The following KCNMB4 variants were observed in gnomAD, a reference collection of about 807,000 sequenced individuals.
The protein encoded by KCNMB4 is potassium calcium-activated channel subfamily M regulatory beta subunit 4, also known as calcium-activated potassium channel subunit beta-4.
A neutral mutation model predicts 20.7 loss-of-function variants in KCNMB4; 3 were observed. The ratio of observed to expected loss-of-function variants is 0.14; its 90% CI spans 0.07 to 0.37. The LOEUF (loss-of-function observed/expected upper bound fraction) is 0.37. KCNMB4 is among the 10% of genes least tolerant of loss of function. The pLI is 1.00. For missense variants in KCNMB4, 168 were observed against 265.9 expected (o/e 0.63, Z 2.56); for synonymous variants, 110 against 113.4 (o/e 0.97, Z 0.19).
rs190978017 is a variant in KCNMB4 at position 70,382,744 on chromosome 12, C to T, written c.336+15674C>T. 4.2e-3 allele frequency among the ~76,000 whole-genome samples: 636 copies of T among 152,154 alleles called. 3 individuals are homozygous for T. Among genetic ancestry groups the T allele is most frequent in the Non-Finnish European group, 5.9e-3 (401 of 68,002 alleles). On this transcript the variant is annotated intron_variant, in intron 1 of 2. Coordinates refer to ENST00000258111, the MANE Select transcript of KCNMB4 (RefSeq NM_014505.6). ...TGAAGTACTCTTAGCAATAAAAGAC[C>T]ATCTCTTCAGTAAAATACTAGGCAT...
intron 1 of KCNMB4, among the ~76,000 whole-genome samples, chr12:70,371,849 C>A (rs1367704734): frequency 6.6e-6 from 1 of 152,160 alleles, no homozygotes; most frequent in African/African-American, 2.4e-5. Context: ...AACTTATATT[C>A]TGCTGGGAAG....
intron 1 of KCNMB4, among the ~76,000 whole-genome samples, chr12:70,399,952 T>C (rs1289104175): frequency 6.6e-6 from 1 of 152,220 alleles, no homozygotes; most frequent in African/African-American, 2.4e-5. Flanking sequence ...TGGTAACTAA[T>C]AGTTTATAAA....
intron 1 of KCNMB4, among the ~76,000 whole-genome samples, chr12:70,396,454 T>C (rs889067969): frequency 6.6e-6 from 1 of 152,134 alleles, no homozygotes; most frequent in Non-Finnish European, 1.5e-5. Flanking sequence ...TATGGGTGTG[T>C]GCCACCACGC....
At chr12:70,376,476 A>C (rs1352249838) in intron 1 of KCNMB4, among the ~76,000 whole-genome samples, 1 of 152,182 alleles carries the variant, frequency 6.6e-6, no homozygotes, top group Non-Finnish European at 1.5e-5. Context: ...ATTAGAGCTA[A>C]TAAATGAATT....
chr12:70,385,551 A>T (rs1428731006), intron 1 of KCNMB4, among the ~76,000 whole-genome samples: 1 of 152,242 alleles, frequency 6.6e-6, no homozygotes, highest in Non-Finnish European at 1.5e-5. Flanking sequence ...GGGCTTCAAA[A>T]TTCCCATTGA....
chr12:70,410,141 C>T (rs948352681), intron 2 of KCNMB4, among the ~76,000 whole-genome samples: 5 of 152,162 alleles, frequency 3.3e-5, no homozygotes, highest in African/African-American at 7.2e-5. Flanking sequence ...TAGAACCAAA[C>T]GCTTTCTAGT....
chr12:70,376,843 G>A (rs1757286279), intron 1 of KCNMB4, among the ~76,000 whole-genome samples: 6 of 149,806 alleles, frequency 4.0e-5, no homozygotes, highest in Admixed American at 4.0e-4. Flanking sequence ...CTGCACTCCA[G>A]CCTGGGCAAC....
chr12:70,371,422 G>A (rs1396936366), intron 1 of KCNMB4, among the ~76,000 whole-genome samples: 1 of 152,198 alleles, frequency 6.6e-6, no homozygotes, highest in Non-Finnish European at 1.5e-5. Flanking sequence ...CCAGTGCACT[G>A]TAGGAGAGGC....
rs955763803 is a variant in KCNMB4, at chr12:70,433,521, A to C, written c.*2868A>C. The C allele has an allele frequency of 6.6e-6, 1 of 152,256 alleles. No individual in the cohort carries two copies. The highest frequency in any genetic ancestry group is 1.5e-5 in the Non-Finnish European group (1 of 68,052). 9.4% of individuals were successfully genotyped at this position (152,256 alleles called of 1,614,324 possible). The stretch of plus-strand genomic sequence containing the variant: ...CACTTCTGCCCACCGTCCATTCATG[A>C]ATACTTACTATATAGCTATACCTAG... On this transcript the variant is annotated 3_prime_UTR_variant, in exon 3 of 3. Coordinates refer to ENST00000258111, the MANE Select transcript of KCNMB4 (RefSeq NM_014505.6).
intron 1 of KCNMB4, among the ~76,000 whole-genome samples, chr12:70,372,805 A>C (rs1883621040): frequency 6.6e-6 from 1 of 152,172 alleles, no homozygotes; most frequent in Non-Finnish European, 1.5e-5. Flanking sequence ...TTCTACAGAG[A>C]GGTACAAACA....
At chr12:70,381,480 A>G (rs1218352874) in intron 1 of KCNMB4, among the ~76,000 whole-genome samples, 2 of 152,240 alleles carry the variant, frequency 1.3e-5, no homozygotes, top group African/African-American at 4.8e-5. Flanking sequence ...AACAAACCAA[A>G]CATCCATCAA....
chr12:70,427,649 G>A (rs1451307790), intron 2 of KCNMB4, among the ~76,000 whole-genome samples: 1 of 152,124 alleles, frequency 6.6e-6, no homozygotes, highest in East Asian at 1.9e-4. Flanking sequence ...ATGCCAAGAA[G>A]TTTCTGAATA....
intron 1 of KCNMB4, among the ~76,000 whole-genome samples, chr12:70,375,733 G>A (rs531249252): frequency 6.6e-6 from 1 of 152,184 alleles, no homozygotes; most frequent in Admixed American, 6.5e-5. Flanking sequence ...TCCGTGTTGG[G>A]GTTCAACAAT....
In KCNMB4 at chr12:70,366,583, G is replaced by T; in HGVS notation, c.-152G>T. 1 of 348,088 alleles carries T rather than the reference G, an allele frequency of 2.9e-6. No individual in the cohort carries two copies. The allele number at this position is 348,088 out of a possible 1,614,324, so 21.6% of individuals were successfully genotyped here. On this transcript the variant is annotated 5_prime_UTR_variant, in exon 1 of 3. Coordinates refer to ENST00000258111, the MANE Select transcript of KCNMB4 (RefSeq NM_014505.6). The stretch of plus-strand genomic sequence containing the variant: ...GGGCGTCGCTGGCCTCGGCCCCTTT[G>T]TTCTCGCGCGCTCCCCCTCGCCGCC...
chr12:70,378,042 C>T (rs563372147), intron 1 of KCNMB4, among the ~76,000 whole-genome samples: 104 of 151,356 alleles, frequency 6.9e-4, no homozygotes, highest in African/African-American at 2.3e-3. Flanking sequence ...CTCCACCTCG[C>T]GAGTTCAAGT....
At position 70,430,681 on chromosome 12, in the gene KCNMB4, G is replaced by A. The variant is rs1450092698; in HGVS notation, c.*28G>A. Reference sequence around the variant, plus strand: ...GGGAAGGAGGCTTGTAGAAAGCAAAGTACAGAAGCTGTACTCATCGGCACG... The same window carrying A: ...GGGAAGGAGGCTTGTAGAAAGCAAAATACAGAAGCTGTACTCATCGGCACG... On this transcript the variant is annotated 3_prime_UTR_variant, in exon 3 of 3. Transcript: ENST00000258111. The A allele has an allele frequency of 6.3e-7, 1 of 1,587,864 alleles. No individual in the cohort carries two copies. The highest frequency in any genetic ancestry group is 8.5e-7 in the Non-Finnish European group (1 of 1,171,632).
intron 2 of KCNMB4, among the ~76,000 whole-genome samples, chr12:70,411,699 C>T (rs1868782808): frequency 6.6e-6 from 1 of 152,062 alleles, no homozygotes; most frequent in African/African-American, 2.4e-5. Flanking sequence ...GTCCCCACTA[C>T]TTGGGAGGCT....
At chr12:70,399,496 C>T (rs1017975217) in intron 1 of KCNMB4, among the ~76,000 whole-genome samples, 3 of 152,222 alleles carry the variant, frequency 2.0e-5, no homozygotes, top group Non-Finnish European at 2.9e-5. Flanking sequence ...TCATCTTCGT[C>T]ATCGTTGTAA....
At chr12:70,381,094 A>C (rs1280758586) in intron 1 of KCNMB4, among the ~76,000 whole-genome samples, 2 of 151,826 alleles carry the variant, frequency 1.3e-5, no homozygotes, top group Non-Finnish European at 2.9e-5. Flanking sequence ...GGATGTGAAT[A>C]GTTTTTTTTT....
Sources: gnomAD v4.1 joint callset for allele counts (sites outside exome capture counted in the v4.1 genomes callset) on GRCh38, gnomAD v4.1.1 for gene constraint, MANE v1.5 for transcripts, NCBI Gene and HGNC (gene_info 2026-07-23, HGNC 2026-07-21) for gene names.